MAF: variants seen among roughly 807,000 people sequenced by gnomAD.
MAF encodes the protein MAF bZIP transcription factor.
MAF carries 10 observed loss-of-function variants against 22.0 expected under a neutral mutation model. The ratio of observed to expected loss-of-function variants is 0.45; its 90% CI spans 0.28 to 0.77. The LOEUF is 0.77. Among genes scored for constraint, MAF ranks in the 30% least tolerant of loss-of-function variants. The probability of loss-of-function intolerance (pLI) is 0.12; values close to 1 mark genes in which losing one functional copy is unlikely to be tolerated. For synonymous variants in MAF, 337 were observed against 255.8 expected, an observed-to-expected ratio of 1.32 and a Z score of -3.03; for missense variants, 544 against 548.4, an observed-to-expected ratio of 0.99 and a Z score of 0.08.
chr16:79,598,293 A>C, intron 1 of MAF: 1 of 1,078,338 alleles, frequency 9.3e-7, no homozygotes, highest in South Asian at 4.1e-5. Context: ...AAAATAAAAC[A>C]CACACACACA....
the MAF span, among the ~76,000 whole-genome samples, chr16:79,373,860 A>C: frequency 5.3e-5 from 8 of 152,190 alleles, no homozygotes; most frequent in African/African-American, 1.9e-4. Flanking sequence ...TTCCTTTTAA[A>C]ATAAATTACC....
the MAF span, among the ~76,000 whole-genome samples, chr16:79,404,183 C>A: frequency 1.8e-3 from 145 of 78,846 alleles, no homozygotes; most frequent in Non-Finnish European, 2.6e-3. Context: ...TTTTTTTTTT[C>A]AGATGGAGTC....
At chr16:79,480,326 A>AT in the MAF span, among the ~76,000 whole-genome samples, 56,419 of 150,856 alleles carry the variant, frequency 0.37, 11,630 homozygotes, top group Middle Eastern at 0.49. Flanking sequence ...TTGAAATACA[A>AT]TTTTTTTTTT....
chr16:79,396,395 T>C, the MAF span, among the ~76,000 whole-genome samples: 3 of 152,218 alleles, frequency 2.0e-5, no homozygotes, highest in African/African-American at 4.8e-5. Flanking sequence ...TTTGCTCTCA[T>C]GGTTGTTCAA....
At chr16:79,316,097 G>T in the MAF span, among the ~76,000 whole-genome samples, 1 of 152,206 alleles carries the variant, frequency 6.6e-6, no homozygotes, top group African/African-American at 2.4e-5. Flanking sequence ...CAAAGCATGG[G>T]TTTATTTTGG....
the MAF span, among the ~76,000 whole-genome samples, chr16:79,331,601 T>A: frequency 6.6e-6 from 1 of 152,146 alleles, no homozygotes; most frequent in Non-Finnish European, 1.5e-5. Context: ...AGTCATACCT[T>A]CTACCCGCCT....
chr16:79,303,904 C>T, the MAF span, among the ~76,000 whole-genome samples: 12 of 151,728 alleles, frequency 7.9e-5, no homozygotes, highest in Non-Finnish European at 1.0e-4. Flanking sequence ...TGTCAAAATG[C>T]GGGGAGAAAA....
At chr16:79,260,463 CTATCTATATCTA>C in the MAF span, among the ~76,000 whole-genome samples, 71 of 145,412 alleles carry the variant, frequency 4.9e-4, no homozygotes, top group East Asian at 6.3e-3. Flanking sequence ...ATGTATCTAT[CTATCTATATCTA>C]TATCTATATC....
chr16:79,250,395 A>C, the MAF span, among the ~76,000 whole-genome samples: 1 of 152,202 alleles, frequency 6.6e-6, no homozygotes, highest in Non-Finnish European at 1.5e-5. Context: ...GCTGTCTCCA[A>C]TTCCCAAAGA....
the MAF span, among the ~76,000 whole-genome samples, chr16:79,209,610 G>A: frequency 6.6e-6 from 1 of 152,176 alleles, no homozygotes; most frequent in Non-Finnish European, 1.5e-5. Flanking sequence ...TTTGGCAGCT[G>A]CAAGGTAAAA....
At chr16:79,218,075 C>G in the MAF span, among the ~76,000 whole-genome samples, 2 of 143,710 alleles carry the variant, frequency 1.4e-5, no homozygotes, top group Non-Finnish European at 3.0e-5. Flanking sequence ...TTCAATATAT[C>G]CAAGCTAGTT....
chr16:79,567,915 A>C, the MAF span, among the ~76,000 whole-genome samples: 1 of 152,212 alleles, frequency 6.6e-6, no homozygotes, highest in Non-Finnish European at 1.5e-5. Flanking sequence ...GCTGAAAGTT[A>C]AGCTTAATGT....
chr16:79,554,712 G>C, the MAF span, among the ~76,000 whole-genome samples: 1 of 152,096 alleles, frequency 6.6e-6, no homozygotes, highest in South Asian at 2.1e-4. Flanking sequence ...CTCAAGATGA[G>C]CCCAGAAAAA....
At chr16:79,207,276 T>C in the MAF span, among the ~76,000 whole-genome samples, 1 of 152,248 alleles carries the variant, frequency 6.6e-6, no homozygotes, top group African/African-American at 2.4e-5. Flanking sequence ...ATTTGCTTTG[T>C]CCAACAGACA....
chr16:79,487,347 G>T, the MAF span, among the ~76,000 whole-genome samples: 1 of 152,118 alleles, frequency 6.6e-6, no homozygotes, highest in Non-Finnish European at 1.5e-5. Context: ...GAGCCCTCTT[G>T]GGTGTTGAGA....
chr16:79,518,979 A>G, the MAF span, among the ~76,000 whole-genome samples: 6 of 152,330 alleles, frequency 3.9e-5, no homozygotes, highest in African/African-American at 1.4e-4. Flanking sequence ...AGCATTATTA[A>G]CTCTATTACT....
At chr16:79,467,720 T>G in the MAF span, among the ~76,000 whole-genome samples, 1 of 152,036 alleles carries the variant, frequency 6.6e-6, no homozygotes, top group African/African-American at 2.4e-5. Flanking sequence ...GCAGTCTGCG[T>G]CCTAACAAGC....
At chr16:79,549,858 C>T in the MAF span, among the ~76,000 whole-genome samples, 1 of 152,104 alleles carries the variant, frequency 6.6e-6, no homozygotes, top group African/African-American at 2.4e-5. Context: ...AGTGATCATT[C>T]CGTAAATAAA....
the MAF span, among the ~76,000 whole-genome samples, chr16:79,248,318 C>A: frequency 2.1e-4 from 32 of 152,166 alleles, no homozygotes; most frequent in African/African-American, 7.0e-4. Flanking sequence ...TGCTGTCTTA[C>A]TAATACAATA....
Sources: allele counts gnomAD v4.1 joint callset (sites outside exome capture counted in the v4.1 genomes callset), GRCh38; gene constraint gnomAD v4.1.1; transcripts MANE v1.5; gene names NCBI Gene and HGNC (gene_info 2026-07-23, HGNC 2026-07-21).